SGCE: variants seen among roughly 807,000 people sequenced by gnomAD.
SGCE encodes epsilon-sarcoglycan.
SGCE carries 26 observed loss-of-function variants against 57.8 expected under a neutral mutation model. The ratio of observed to expected loss-of-function variants is 0.45; its 90% CI spans 0.33 to 0.62. The LOEUF (loss-of-function observed/expected upper bound fraction) is 0.62, where lower values mean the gene tolerates loss of function less well. SGCE is among the 20% of genes least tolerant of loss of function. The pLI is 0.02. For synonymous variants in SGCE, 183 were observed against 189.5 expected (o/e 0.97, Z 0.28); for missense variants, 468 against 548.6 (o/e 0.85, Z 1.47).
chr7:94,641,288 A>T (rs1806348016), intron 1 of SGCE, among the ~76,000 whole-genome samples: 1 of 152,246 alleles, frequency 6.6e-6, no homozygotes, highest in Non-Finnish European at 1.5e-5. Flanking sequence ...TGGTGAGAGT[A>T]GAAGCCAAAC....
At chr7:94,620,564 CAATA>C (rs932514727) in intron 4 of SGCE, 2 of 152,086 alleles carry the variant, frequency 1.3e-5, no homozygotes, top group African/African-American at 4.8e-5. Flanking sequence ...AGTTTCTTGG[CAATA>C]AATAATAAAA....
intron 5 of SGCE, among the ~76,000 whole-genome samples, chr7:94,613,909 A>G (rs534278687): frequency 6.6e-6 from 1 of 152,248 alleles, no homozygotes; most frequent in East Asian, 1.9e-4. Context: ...CATACCTGCA[A>G]TTAATCAATC....
chr7:94,606,207 G>T (rs1800112695), intron 5 of SGCE, among the ~76,000 whole-genome samples: 1 of 152,090 alleles, frequency 6.6e-6, no homozygotes, highest in Non-Finnish European at 1.5e-5. Flanking sequence ...TGAAAAACAA[G>T]ATCCAACTAT....
intron 1 of SGCE, among the ~76,000 whole-genome samples, chr7:94,655,465 G>A (rs909726396): frequency 1.3e-5 from 2 of 151,946 alleles, no homozygotes; most frequent in Non-Finnish European, 2.9e-5. Context: ...CTTAGCAAGA[G>A]GGGGAAATTC....
intron 9 of SGCE, 64 bp downstream of exon 9, chr7:94,598,711 C>T: frequency 1.8e-6 from 2 of 1,113,776 alleles, no homozygotes; most frequent in South Asian, 2.5e-5. Context: ...AAGCTCTGTT[C>T]TTTACAGATA....
At chr7:94,638,213 A>G (rs1399604994) in intron 1 of SGCE, among the ~76,000 whole-genome samples, 1 of 152,034 alleles carries the variant, frequency 6.6e-6, no homozygotes, top group East Asian at 1.9e-4. Flanking sequence ...TTTGTATGAA[A>G]CTCTATGTTT....
intron 3 of SGCE, chr7:94,623,701 C>A: frequency 2.4e-6 from 1 of 409,856 alleles, no homozygotes; most frequent in Non-Finnish European, 4.3e-6. Flanking sequence ...ATGGATTAAC[C>A]ATTATGAATT....
At chr7:94,614,106 T>TAAAAAAAAAAAAAAAAAAAAAA (rs1562832897) in intron 5 of SGCE, among the ~76,000 whole-genome samples, 1 of 55,170 alleles carries the variant, frequency 1.8e-5, no homozygotes. Flanking sequence ...CAAATTGAAA[T>TAAAAAAAAAAAAAAAAAAAAAA]CAAAAAAAAA....
At chr7:94,643,166 T>G (rs530257339) in intron 1 of SGCE, among the ~76,000 whole-genome samples, 1 of 152,318 alleles carries the variant, frequency 6.6e-6, no homozygotes, top group Non-Finnish European at 1.5e-5. Context: ...TATTATACCT[T>G]ATGGGCTATT....
At chr7:94,620,297 T>G (rs1802556193) in intron 4 of SGCE, 1 of 152,198 alleles carries the variant, frequency 6.6e-6, no homozygotes, top group Admixed American at 6.5e-5. Context: ...TCATCACTTT[T>G]TAAAGATTTA....
chr7:94,594,725 T>C (rs1251834224), intron 9 of SGCE, among the ~76,000 whole-genome samples: 1 of 152,086 alleles, frequency 6.6e-6, no homozygotes, highest in Non-Finnish European at 1.5e-5. Context: ...TCTATTATCT[T>C]TGTAACTTTC....
At chr7:94,599,307 G>C (rs1798866766) in intron 8 of SGCE, 1 of 285,990 alleles carries the variant, frequency 3.5e-6, no homozygotes, top group East Asian at 7.4e-5. Flanking sequence ...GCTTCTGGTG[G>C]GGCATTTATA....
intron 9 of SGCE, among the ~76,000 whole-genome samples, chr7:94,595,195 C>T (rs1014999633): frequency 6.6e-6 from 1 of 152,074 alleles, no homozygotes; most frequent in Non-Finnish European, 1.5e-5. Context: ...AAACATTCTA[C>T]CAAAAAGAAA....
chr7:94,585,595 G>T, intron 10 of SGCE, 80 bp from the exon 11 acceptor site: 1 of 901,434 alleles, frequency 1.1e-6, no homozygotes, highest in Non-Finnish European at 1.9e-6. Context: ...GCAAATTATG[G>T]CAAGGAGAAA....
At chr7:94,587,453 A>G (rs1173014504) in intron 10 of SGCE, 9 of 1,210,120 alleles carry the variant, frequency 7.4e-6, no homozygotes, top group African/African-American at 1.6e-5. Context: ...GATGGAAGCT[A>G]CAAGGTTAAT....
At chr7:94,590,279 T>G (rs758348995) in intron 9 of SGCE, among the ~76,000 whole-genome samples, 1 of 152,094 alleles carries the variant, frequency 6.6e-6, no homozygotes, top group African/African-American at 2.4e-5. Context: ...TATTTTTAAT[T>G]AAAAAAATCT....
At chr7:94,647,128 C>T (rs868703935) in intron 1 of SGCE, among the ~76,000 whole-genome samples, 9 of 152,308 alleles carry the variant, frequency 5.9e-5, no homozygotes, top group African/African-American at 2.2e-4. Context: ...TCATTTTCTG[C>T]TATGTGTCTC....
intron 5 of SGCE, among the ~76,000 whole-genome samples, chr7:94,610,203 G>A (rs577335163): frequency 6.6e-6 from 1 of 152,166 alleles, no homozygotes; most frequent in African/African-American, 2.4e-5. Context: ...GAAGTTGGGG[G>A]GAAGGAGGGA....
At chr7:94,605,405 CAGAT>C (rs1188376748) in intron 5 of SGCE, among the ~76,000 whole-genome samples, 1 of 152,076 alleles carries the variant, frequency 6.6e-6, no homozygotes, top group Non-Finnish European at 1.5e-5. Flanking sequence ...ATTGATCTAA[CAGAT>C]AACTTGTTTA....
Sources: allele counts gnomAD v4.1 joint callset (sites outside exome capture counted in the v4.1 genomes callset), GRCh38; gene constraint gnomAD v4.1.1; transcripts MANE v1.5; gene names NCBI Gene and HGNC (gene_info 2026-07-23, HGNC 2026-07-21).